TBC1D5: variants seen among roughly 807,000 people sequenced by gnomAD.
TBC1D5 encodes TBC1 domain family, member 5.
A neutral mutation model predicts 100.3 loss-of-function variants in TBC1D5; 75 were observed. The observed-to-expected ratio is 0.75, with a 90% CI of 0.62 to 0.91. TBC1D5 has a LOEUF of 0.91. TBC1D5 is among the 40% of genes least tolerant of loss of function. The probability of loss-of-function intolerance (pLI) is 0.00; values close to 1 mark genes in which losing one functional copy is unlikely to be tolerated. For missense variants in TBC1D5, 910 were observed against 942.4 expected (o/e 0.97, Z 0.45); for synonymous variants, 323 against 325.6 (o/e 0.99, Z 0.09).
At chr3:17,632,747 C>CT (rs898465940) in intron 1 of TBC1D5, among the ~76,000 whole-genome samples, 18 of 152,016 alleles carry the variant, frequency 1.2e-4, no homozygotes, top group African/African-American at 2.7e-4. Context: ...AGCATGAAGG[C>CT]TTTTTTTTAA....
intron 2 of TBC1D5, among the ~76,000 whole-genome samples, chr3:17,613,396 T>C (rs1053735685): frequency 1.3e-5 from 2 of 152,236 alleles, no homozygotes; most frequent in African/African-American, 4.8e-5. Context: ...TTTGGGTATA[T>C]ACCCAGTAAT....
intron 2 of TBC1D5, among the ~76,000 whole-genome samples, chr3:17,615,098 T>C (rs1156432577): frequency 6.6e-6 from 1 of 152,236 alleles, no homozygotes; most frequent in East Asian, 1.9e-4. Flanking sequence ...CATGAAGGGC[T>C]GTTGAATTCT....
At chr3:17,677,499 G>A (rs2068799381) in intron 1 of TBC1D5, among the ~76,000 whole-genome samples, 1 of 151,900 alleles carries the variant, frequency 6.6e-6, no homozygotes, top group Non-Finnish European at 1.5e-5. Context: ...TCAGGAAACA[G>A]GTGCTGGAGA....
chr3:17,259,101 G>T (rs1290288108), intron 15 of TBC1D5, among the ~76,000 whole-genome samples: 2 of 152,040 alleles, frequency 1.3e-5, no homozygotes, highest in Non-Finnish European at 2.9e-5. Context: ...TTTAAAGTTA[G>T]CAATTTCTAT....
At chr3:17,695,374 T>A (rs996299807) in intron 1 of TBC1D5, among the ~76,000 whole-genome samples, 2 of 151,996 alleles carry the variant, frequency 1.3e-5, no homozygotes, top group Non-Finnish European at 2.9e-5. Context: ...ATGACGCACA[T>A]AGGCTAAAAA....
intron 3 of TBC1D5, among the ~76,000 whole-genome samples, chr3:17,430,785 C>T (rs529828669): frequency 6.6e-6 from 1 of 151,832 alleles, no homozygotes; most frequent in African/African-American, 2.4e-5. Flanking sequence ...AACTGTCTGA[C>T]TATGGAAAGG....
At chr3:17,671,851 G>A (rs147538468) in intron 1 of TBC1D5, among the ~76,000 whole-genome samples, 12 of 152,290 alleles carry the variant, frequency 7.9e-5, no homozygotes, top group African/African-American at 2.6e-4. Context: ...GGTACATAAC[G>A]TATTGCACTA....
chr3:17,605,852 A>G (rs2061305443), intron 2 of TBC1D5, among the ~76,000 whole-genome samples: 1 of 152,232 alleles, frequency 6.6e-6, no homozygotes, highest in Non-Finnish European at 1.5e-5. Context: ...TGTGTAATAA[A>G]TGTTTTCATA....
intron 2 of TBC1D5, among the ~76,000 whole-genome samples, chr3:17,512,819 A>C (rs962585256): frequency 2.0e-5 from 3 of 152,196 alleles, no homozygotes; most frequent in African/African-American, 7.2e-5. Flanking sequence ...CAAATATGCT[A>C]AAATTCCCAT....
At chr3:17,634,626 T>TAAAAAAAA (rs1000749608) in intron 1 of TBC1D5, among the ~76,000 whole-genome samples, 1 of 85,518 alleles carries the variant, frequency 1.2e-5, no homozygotes, top group Admixed American at 1.3e-4. Flanking sequence ...GCTAATAGGG[T>TAAAAAAAA]AAAAAAAAAA....
At chr3:17,658,189 A>C (rs1175066782) in intron 1 of TBC1D5, among the ~76,000 whole-genome samples, 1 of 152,210 alleles carries the variant, frequency 6.6e-6, no homozygotes, top group Non-Finnish European at 1.5e-5. Flanking sequence ...ATCACCTAAC[A>C]ACACATATCT....
At chr3:17,240,123 A>G (rs560169498) in intron 16 of TBC1D5, among the ~76,000 whole-genome samples, 1 of 152,304 alleles carries the variant, frequency 6.6e-6, no homozygotes, top group African/African-American at 2.4e-5. Flanking sequence ...GTAAAACAGA[A>G]CAGATCCATA....
intron 3 of TBC1D5, among the ~76,000 whole-genome samples, chr3:17,499,184 A>G (rs1036897638): frequency 6.6e-6 from 1 of 152,214 alleles, no homozygotes. Context: ...GTTGCAGTAT[A>G]TAGTTTTTTT....
At chr3:17,709,805 C>T (rs1466984376) in intron 1 of TBC1D5, among the ~76,000 whole-genome samples, 2 of 151,958 alleles carry the variant, frequency 1.3e-5, no homozygotes, top group Admixed American at 6.6e-5. Flanking sequence ...GAGGGTGACC[C>T]AAGTACAAAA....
At chr3:17,736,402 A>C (rs149843330) in intron 1 of TBC1D5, among the ~76,000 whole-genome samples, 181 of 152,310 alleles carry the variant, frequency 1.2e-3, no homozygotes, top group African/African-American at 4.2e-3. Context: ...AGGCAATTTG[A>C]CCCAAGTCTT....
At chr3:17,392,441 A>G (rs1412766356) in intron 8 of TBC1D5, among the ~76,000 whole-genome samples, 1 of 151,994 alleles carries the variant, frequency 6.6e-6, no homozygotes, top group Non-Finnish European at 1.5e-5. Context: ...AGGTATACAC[A>G]TGCCATGGTG....
At chr3:17,725,031 T>C (rs2076010853) in intron 1 of TBC1D5, among the ~76,000 whole-genome samples, 1 of 152,220 alleles carries the variant, frequency 6.6e-6, no homozygotes, top group Admixed American at 6.5e-5. Flanking sequence ...CCAGCAGATA[T>C]TTTTCCATCA....
chr3:17,628,573 C>T (rs954790711), intron 1 of TBC1D5, among the ~76,000 whole-genome samples: 1 of 151,956 alleles, frequency 6.6e-6, no homozygotes, highest in African/African-American at 2.4e-5. Flanking sequence ...TTTAGAAAAA[C>T]GTTTTCCAGA....
At chr3:17,490,424 G>A (rs868724352) in intron 3 of TBC1D5, among the ~76,000 whole-genome samples, 1 of 152,108 alleles carries the variant, frequency 6.6e-6, no homozygotes, top group South Asian at 2.1e-4. Flanking sequence ...CCTATGTTCT[G>A]AATGCTATTA....
Sources: allele counts gnomAD v4.1 joint callset (sites outside exome capture counted in the v4.1 genomes callset), GRCh38; gene constraint gnomAD v4.1.1; transcripts MANE v1.5; gene names NCBI Gene and HGNC (gene_info 2026-07-23, HGNC 2026-07-21).